The following NEO1 variants were observed in gnomAD, a reference collection of about 807,000 sequenced individuals.
The protein encoded by NEO1 is neogenin 1, also known as neogenin.
A neutral mutation model predicts 159.7 loss-of-function variants in NEO1; 63 were observed. The ratio of observed to expected loss-of-function variants is 0.39; its 90% confidence interval spans 0.32 to 0.49. The LOEUF is 0.49. Among genes scored for constraint, NEO1 ranks in the 20% least tolerant of loss-of-function variants. The pLI is 0.85. For missense variants in NEO1, 1,615 were observed against 1,831.0 expected, an observed-to-expected ratio of 0.88 and a Z score of 2.15; for synonymous variants, 633 against 662.0, an observed-to-expected ratio of 0.96 and a Z score of 0.67.
chr15:73,168,171 T>C (rs561727572), intron 5 of NEO1, among the ~76,000 whole-genome samples: 2 of 152,070 alleles, frequency 1.3e-5, no homozygotes, highest in South Asian at 4.2e-4. Flanking sequence ...CAGGAAATGC[T>C]TCTTTAAGGA....
upstream of NEO1, chr15:73,052,018 CGAG>C (rs1402851082): frequency 2.0e-5 from 3 of 151,056 alleles, no homozygotes; most frequent in Non-Finnish European, 2.9e-5. Flanking sequence ...GTCCCCGAGG[CGAG>C]GAGGAGGAGG....
At position 73,146,309 on chromosome 15, in the gene NEO1, C is replaced by A. The variant is rs13380365; in HGVS notation, c.1015+10282C>A. On this transcript the variant is annotated intron_variant, in intron 5 of 28. Coordinates refer to ENST00000261908, the MANE Select transcript of NEO1 (RefSeq NM_002499.4). ...TAGTGCCTGATGCTGTGTATTTGAC[C>A]ACAACGGATTGCTTAAGAACATATT... 8.6e-3 allele frequency among the ~76,000 whole-genome samples: 1,306 copies of A among 152,198 alleles called. 21 individuals are homozygous for A. The highest frequency in any genetic ancestry group is 0.03 in the African/African-American group (1,231 of 41,512).
At chr15:73,259,527 A>G (rs1021995455) in intron 14 of NEO1, among the ~76,000 whole-genome samples, 2 of 150,182 alleles carry the variant, frequency 1.3e-5, no homozygotes, top group African/African-American at 2.4e-5. Flanking sequence ...ACACTTAGCT[A>G]TTTTTTTTTA....
intron 5 of NEO1, among the ~76,000 whole-genome samples, chr15:73,149,139 A>AC (rs1459217544): frequency 2.6e-5 from 4 of 151,776 alleles, no homozygotes. Context: ...ACATGGTGCA[A>AC]CCCCGTCTCT....
intron 3 of NEO1, among the ~76,000 whole-genome samples, chr15:73,123,057 T>C (rs1319161995): frequency 2.0e-5 from 3 of 151,606 alleles, no homozygotes; most frequent in African/African-American, 7.3e-5. Flanking sequence ...CTCTGGAGGC[T>C]GAGGAAGGAG....
At chr15:73,194,873 G>GT (rs1167529431) in intron 7 of NEO1, among the ~76,000 whole-genome samples, 2 of 152,202 alleles carry the variant, frequency 1.3e-5, no homozygotes, top group Non-Finnish European at 2.9e-5. Context: ...CTGTATAAGT[G>GT]TAAGGATATG....
rs183782725 is a variant in NEO1 at position 73,057,902 on chromosome 15, A to C, written c.130+5097A>C. On this transcript the variant is annotated intron_variant, in intron 1 of 28. Transcript: ENST00000261908. ...AATACATAAATATATGTTTGTTTGC[A>C]GTCAAACAATATAAAAATACATAGA... Among the ~76,000 whole-genome samples the C allele has an allele frequency of 2.8e-3, 426 of 152,246 alleles. 2 individuals are homozygous for C. Among genetic ancestry groups the C allele is most frequent in the African/African-American group, 9.7e-3 (403 of 41,548 alleles).
chr15:73,081,547 G>C (rs1283238812), intron 1 of NEO1, among the ~76,000 whole-genome samples: 1 of 151,882 alleles, frequency 6.6e-6, no homozygotes, highest in Non-Finnish European at 1.5e-5. Context: ...TCTGCCACCT[G>C]GTGGTGAAAT....
chr15:73,184,075 G>A (rs937628481), intron 7 of NEO1, among the ~76,000 whole-genome samples: 3 of 152,070 alleles, frequency 2.0e-5, no homozygotes, highest in Non-Finnish European at 4.4e-5. Flanking sequence ...CAGCCTTTGT[G>A]ACTTCTATGC....
At chr15:73,067,616 A>AT (rs754677748) in intron 1 of NEO1, among the ~76,000 whole-genome samples, 1,177 of 92,694 alleles carry the variant, frequency 0.013, 18 homozygotes, top group Middle Eastern at 0.033. Flanking sequence ...CGCCCAGCTA[A>AT]TTTTTTTTTT....
chr15:73,253,890 C>T lies in NEO1; in HGVS notation c.1944+441C>T, dbSNP rs2040207226. ...ATGAGCCATGTGAATCAAAGGCAGA[C>T]CTCTGTCAGATTGGTTGTATCTCCT... is the stretch of plus-strand genomic sequence containing the variant. On this transcript the variant is annotated intron_variant, in intron 12 of 28. Transcript: ENST00000261908. Among the ~76,000 whole-genome samples the T allele has an allele frequency of 2.0e-5, 3 of 152,182 alleles. No homozygotes were observed. In the South Asian group the frequency reaches 6.2e-4, roughly 31 times the overall value.
chr15:73,123,964 C>T (rs577659430), intron 3 of NEO1, among the ~76,000 whole-genome samples: 8 of 152,146 alleles, frequency 5.3e-5, no homozygotes, highest in Non-Finnish European at 1.2e-4. Flanking sequence ...TTGTCGTTAT[C>T]CCTCGTCATT....
chr15:73,153,360 G>A (rs745576808), intron 5 of NEO1, among the ~76,000 whole-genome samples: 2 of 151,744 alleles, frequency 1.3e-5, no homozygotes, highest in Non-Finnish European at 2.9e-5. Flanking sequence ...TAGTATACTC[G>A]TCTTCATCTA....
In NEO1 at chr15:73,244,458, A is replaced by G. The variant is rs767056345; in HGVS notation, c.1566A>G (p.Gly522=). ...RVMAQNKHGS[G]ESSAPLRVET... ...TGGCTCAAAATAAGCATGGCTCAGGAGAGAGTTCAGCTCCACTGCGAGTAG... is the reference window on the plus strand; with the variant it reads ...TGGCTCAAAATAAGCATGGCTCAGGGGAGAGTTCAGCTCCACTGCGAGTAG... Residue 522 remains glycine, a synonymous_variant, in exon 9 of 29, where the codon GGA becomes GGG. Coordinates refer to ENST00000261908, the MANE Select transcript of NEO1 (RefSeq NM_002499.4). 1.2e-6 allele frequency: 2 copies of G among 1,613,898 alleles called. No individual in the cohort carries two copies. The highest frequency in any genetic ancestry group is 1.7e-6 in the Non-Finnish European group (2 of 1,179,880).
At chr15:73,282,841 T>TA in intron 22 of NEO1, 123 bp from the exon 23 acceptor site, 1 of 1,194,560 alleles carries the variant, frequency 8.4e-7, no homozygotes, top group Non-Finnish European at 1.2e-6. Flanking sequence ...GGCACTTTTA[T>TA]ATAAGTCAGA....
chr15:73,138,169 A>T (rs1468666155), intron 5 of NEO1, among the ~76,000 whole-genome samples: 1 of 152,214 alleles, frequency 6.6e-6, no homozygotes, highest in African/African-American at 2.4e-5. Context: ...AGACAAAAAA[A>T]TTCTAAAAGC....
intron 21 of NEO1, among the ~76,000 whole-genome samples, chr15:73,276,461 G>A (rs1266290999): frequency 1.3e-5 from 2 of 152,232 alleles, no homozygotes; most frequent in Admixed American, 1.3e-4. Flanking sequence ...AAAAGCATAT[G>A]AGGAACAACT....
At chr15:73,241,697 G>T (rs1821965069) in intron 8 of NEO1, among the ~76,000 whole-genome samples, 1 of 152,236 alleles carries the variant, frequency 6.6e-6, no homozygotes, top group South Asian at 2.1e-4. Flanking sequence ...GAGTCCCACT[G>T]TAACCCCACA....
At chr15:73,299,429 A>G (rs2151181858) in intron 27 of NEO1, among the ~76,000 whole-genome samples, 1 of 151,432 alleles carries the variant, frequency 6.6e-6, no homozygotes, top group South Asian at 2.1e-4. Flanking sequence ...TCTGTCACCC[A>G]GGCTGGAGTA....
Sources: allele counts gnomAD v4.1 joint callset (sites outside exome capture counted in the v4.1 genomes callset), GRCh38; gene constraint gnomAD v4.1.1; transcripts MANE v1.5; gene names NCBI Gene and HGNC (gene_info 2026-07-23, HGNC 2026-07-21).